RAB27B: variants seen among roughly 807,000 people sequenced by gnomAD.
The protein encoded by RAB27B is RAB27B, member RAS oncogene family.
A neutral mutation model predicts 24.6 loss-of-function variants in RAB27B; 15 were observed. The ratio of observed to expected loss-of-function variants is 0.61; its 90% CI spans 0.41 to 0.94. The LOEUF is 0.94. Ranked by LOEUF, RAB27B falls within the 40% of genes least tolerant of loss-of-function variation. The probability of loss-of-function intolerance (pLI) is 0.00; values close to 1 mark genes in which losing one functional copy is unlikely to be tolerated. For synonymous variants in RAB27B, 105 were observed against 92.5 expected (o/e 1.14, Z -0.78); for missense variants, 261 against 266.8 (o/e 0.98, Z 0.15).
rs917618965 is a variant in RAB27B at position 54,869,950 on chromosome 18, C to T, written c.-19-7617C>T. 5.9e-5 allele frequency among the ~76,000 whole-genome samples: 9 copies of T among 152,068 alleles called. No homozygotes were observed. The South Asian group carries it at 1.4e-3, about 24-fold the overall frequency. Reference sequence around the variant, plus strand: ...AAAACAGGATTAAATGGACCAATTACCGAAGAAAACAGAAGATAATTCAGA... The same window carrying T: ...AAAACAGGATTAAATGGACCAATTATCGAAGAAAACAGAAGATAATTCAGA... On this transcript the variant is annotated intron_variant, in intron 1 of 5. Transcript: ENST00000262094.
chr18:54,791,798 G>C (rs1448016852), intron 2 of RAB27B, among the ~76,000 whole-genome samples: 1 of 152,194 alleles, frequency 6.6e-6, no homozygotes, highest in Non-Finnish European at 1.5e-5. Flanking sequence ...ACAGAGAGAG[G>C]ACATCTAGAG....
chr18:54,749,772 T>C (rs1907774377), intron 2 of RAB27B, among the ~76,000 whole-genome samples: 1 of 152,188 alleles, frequency 6.6e-6, no homozygotes, highest in Non-Finnish European at 1.5e-5. Context: ...AGGAATAACA[T>C]TTTTCTAATA....
intron 1 of RAB27B, among the ~76,000 whole-genome samples, chr18:54,832,204 A>G (rs1910708198): frequency 6.6e-6 from 1 of 152,194 alleles, no homozygotes. Flanking sequence ...GATTAGGGTC[A>G]GAACAGTGGC....
intron 2 of RAB27B, among the ~76,000 whole-genome samples, chr18:54,821,812 G>A (rs1910319491): frequency 6.6e-6 from 1 of 152,222 alleles, no homozygotes; most frequent in Non-Finnish European, 1.5e-5. Context: ...GGAGTGCAAT[G>A]ACACGATCTC....
chr18:54,795,886 T>G (rs1244690889), intron 2 of RAB27B, among the ~76,000 whole-genome samples: 1 of 152,152 alleles, frequency 6.6e-6, no homozygotes, highest in Non-Finnish European at 1.5e-5. Context: ...GCATTTTTAT[T>G]TAAATAACTT....
intron 1 of RAB27B, among the ~76,000 whole-genome samples, chr18:54,843,081 C>A (rs1489443900): frequency 6.6e-6 from 1 of 152,162 alleles, no homozygotes; most frequent in Non-Finnish European, 1.5e-5. Context: ...CAGGTGTGAG[C>A]CACCGTGCCT....
At chr18:54,845,599 C>T (rs751954513) in intron 1 of RAB27B, among the ~76,000 whole-genome samples, 4 of 151,858 alleles carry the variant, frequency 2.6e-5, no homozygotes, top group Admixed American at 6.6e-5. Context: ...GGCCCTGAGT[C>T]GCTGGTTGGA....
At chr18:54,762,656 A>G (rs988837943) in intron 2 of RAB27B, among the ~76,000 whole-genome samples, 2 of 152,126 alleles carry the variant, frequency 1.3e-5, no homozygotes, top group African/African-American at 4.8e-5. Context: ...CGTCTTTAAC[A>G]TTCTGAAAGA....
chr18:54,738,322 A>G (rs57075679), intron 2 of RAB27B, among the ~76,000 whole-genome samples: 9,773 of 152,214 alleles, frequency 0.064, 403 homozygotes, highest in African/African-American at 0.093. Flanking sequence ...CTCATCTCAA[A>G]TTATAATCCC....
intron 1 of RAB27B, among the ~76,000 whole-genome samples, chr18:54,861,558 A>T (rs975729858): frequency 3.3e-5 from 5 of 152,146 alleles, no homozygotes; most frequent in Non-Finnish European, 7.4e-5. Context: ...ATATGTCTTT[A>T]TGAGTGTGGT....
At chr18:54,785,342 T>G (rs1224095464) in intron 2 of RAB27B, among the ~76,000 whole-genome samples, 1 of 151,900 alleles carries the variant, frequency 6.6e-6, no homozygotes, top group Non-Finnish European at 1.5e-5. Context: ...CCTCAAATGA[T>G]CTGCCTGTCT....
chr18:54,861,656 T>C (rs1912014508), intron 1 of RAB27B, among the ~76,000 whole-genome samples: 1 of 152,204 alleles, frequency 6.6e-6, no homozygotes, highest in Non-Finnish European at 1.5e-5. Context: ...GCAGTGCTTC[T>C]TAACCCTGGC....
chr18:54,848,224 C>G (rs1276572268), intron 1 of RAB27B, among the ~76,000 whole-genome samples: 2 of 152,136 alleles, frequency 1.3e-5, no homozygotes, highest in Admixed American at 1.3e-4. Context: ...AATGAGGCAG[C>G]TTTAGGCTAA....
rs114806966 is a variant in RAB27B at position 54,810,428 on chromosome 18, A to G, written c.-19-67139A>G. ...TAATTTACATAAAAGAGTAAACAAA[A>G]GTTTAGAGAGATTGTGAACTTGTCT... On this transcript the variant is annotated intron_variant, in intron 2 of 4. Coordinates refer to the RAB27B transcript ENST00000586570. Among the ~76,000 whole-genome samples the G allele has an allele frequency of 5.4e-3, 829 of 152,326 alleles. 8 individuals are homozygous for G. Among genetic ancestry groups the G allele is most frequent in the African/African-American group, 0.019 (784 of 41,570 alleles).
In RAB27B at chr18:54,890,219, A is replaced by G. The variant is rs1329932175; in HGVS notation, c.*806A>G. On this transcript the variant is annotated 3_prime_UTR_variant, in exon 6 of 6. Transcript: ENST00000262094. Reference sequence around the variant, plus strand: ...CCAAATTTTACTCAAGCCAATTAGGAGCTGATATTATCAGTTGGAATTAAG... The same window carrying G: ...CCAAATTTTACTCAAGCCAATTAGGGGCTGATATTATCAGTTGGAATTAAG... 6.6e-6 allele frequency: 1 copy of G among 152,106 alleles called. No individual in the cohort carries two copies. 9.4% of individuals were successfully genotyped at this position (152,106 alleles called of 1,614,324 possible).
rs377145190 is a variant in RAB27B at position 54,780,292 on chromosome 18, A to G, written c.-20+62151A>G. ...GCTTCGCCCTCACCGTGTCTTCCGC[A>G]TCCTGACAGTGTCTCCCCCAACCTG... is the stretch of plus-strand genomic sequence containing the variant. On this transcript the variant is annotated intron_variant, in intron 2 of 4. Coordinates refer to the RAB27B transcript ENST00000586570. Among the ~76,000 whole-genome samples, 196 of 89,026 alleles carry G rather than the reference A, an allele frequency of 2.2e-3. 14 individuals are homozygous for G. Among genetic ancestry groups the G allele is most frequent in the African/African-American group, 8.7e-3 (181 of 20,700 alleles). 58.4% of individuals were successfully genotyped at this position (89,026 alleles called of 152,430 possible). A position where few individuals can be genotyped will look rare whatever the true frequency, so the allele number is the denominator to read the frequency against.
intron 3 of RAB27B, chr18:54,880,433 T>C (rs1912877683): frequency 1.3e-5 from 2 of 152,194 alleles, no homozygotes; most frequent in African/African-American, 2.4e-5. Context: ...AGAAGGCACA[T>C]ACCTCCAAAT....
chr18:54,882,617 C>T (rs190765964), intron 3 of RAB27B, among the ~76,000 whole-genome samples: 18 of 152,180 alleles, frequency 1.2e-4, no homozygotes, highest in East Asian at 1.9e-4. Flanking sequence ...CCAGGCTCAA[C>T]GAAGGGGTAG....
At chr18:54,867,961 A>G (rs1169351401) in intron 1 of RAB27B, among the ~76,000 whole-genome samples, 1 of 152,118 alleles carries the variant, frequency 6.6e-6, no homozygotes, top group Admixed American at 6.5e-5. Flanking sequence ...CTAGTGATAT[A>G]GTTTGGAGAT....
Sources: gnomAD v4.1 joint callset for allele counts (sites outside exome capture counted in the v4.1 genomes callset) on GRCh38, gnomAD v4.1.1 for gene constraint, MANE v1.5 for transcripts, NCBI Gene and HGNC (gene_info 2026-07-23, HGNC 2026-07-21) for gene names.